The following NUFIP1 variants were observed in gnomAD, a reference collection of about 807,000 sequenced individuals.
NUFIP1 encodes nuclear FMR1 interacting protein 1, also known as FMR1-interacting protein NUFIP1.
NUFIP1 carries 38 observed loss-of-function variants against 56.2 expected under a neutral mutation model. That is an observed-to-expected ratio of 0.68 (90% CI 0.52 to 0.89). The LOEUF is 0.89. NUFIP1 is among the 40% of genes least tolerant of loss of function. The pLI is 0.00. For missense variants in NUFIP1, 567 were observed against 605.8 expected (o/e 0.94, Z 0.67); for synonymous variants, 215 against 212.4 (o/e 1.01, Z -0.10).
intron 6 of NUFIP1, 132 bp from the exon 7 acceptor site, chr13:44,959,706 C>T (rs756597787): frequency 1.1e-4 from 75 of 697,958 alleles, no homozygotes; most frequent in Non-Finnish European, 1.1e-4. Context: ...ATTAAAGAGA[C>T]GAAAATAAAA....
chr13:44,968,762 T>C lies in NUFIP1; in HGVS notation c.735-2826A>G, dbSNP rs149421958. Among the ~76,000 whole-genome samples the C allele has an allele frequency of 1.4e-4, 21 of 152,346 alleles. No homozygotes were observed. In the East Asian group the frequency reaches 3.9e-3, roughly 28 times the overall value. On this transcript the variant is annotated intron_variant, in intron 5 of 9. Transcript: ENST00000379161. ...CAGACTCTTACCATGTTGGGCTATATGTTACATGATAAAATTTGGCACTAC... is the reference window on the plus strand; with the variant it reads ...CAGACTCTTACCATGTTGGGCTATACGTTACATGATAAAATTTGGCACTAC...
At chr13:44,985,596 C>G (rs1441770964) in intron 1 of NUFIP1, among the ~76,000 whole-genome samples, 1 of 152,028 alleles carries the variant, frequency 6.6e-6, no homozygotes, top group Non-Finnish European at 1.5e-5. Flanking sequence ...ATTTTTATTA[C>G]GTCTGTTATA....
intron 7 of NUFIP1, among the ~76,000 whole-genome samples, chr13:44,956,776 C>A (rs1228079002): frequency 6.6e-6 from 1 of 152,132 alleles, no homozygotes; most frequent in African/African-American, 2.4e-5. Context: ...TGAAGCCATG[C>A]TTGCTCGCTG....
chr13:44,941,714 C>T (rs1593355058), intron 9 of NUFIP1, among the ~76,000 whole-genome samples: 1 of 151,546 alleles, frequency 6.6e-6, no homozygotes. Context: ...GGGGTTTCAC[C>T]GTGTTAGCCA....
Position 44,941,023 on chromosome 13 carries a change from T to G in NUFIP1, c.*183A>C. On this transcript the variant is annotated 3_prime_UTR_variant, in exon 10 of 10. Coordinates refer to ENST00000379161, the MANE Select transcript of NUFIP1 (RefSeq NM_012345.3). ...ACAATACAGACACAGTCTTAAAAAA[T>G]CAGTTATTTTTTTATTTGCATAGAA... 1 of 466,084 alleles carries G rather than the reference T, an allele frequency of 2.1e-6. No individual in the cohort carries two copies. The highest frequency in any genetic ancestry group is 3.8e-6 in the Non-Finnish European group (1 of 262,064). 28.9% of individuals were successfully genotyped at this position (466,084 alleles called of 1,614,324 possible). A position where few individuals can be genotyped will look rare whatever the true frequency, so the allele number is the denominator to read the frequency against.
At chr13:44,973,583 C>T (rs1871875627) in intron 5 of NUFIP1, among the ~76,000 whole-genome samples, 2 of 152,172 alleles carry the variant, frequency 1.3e-5, no homozygotes, top group South Asian at 4.1e-4. Flanking sequence ...TTGGTTCTTA[C>T]ATTTCAGAGC....
At chr13:44,971,503 A>G (rs1424039463) in intron 5 of NUFIP1, among the ~76,000 whole-genome samples, 1 of 152,186 alleles carries the variant, frequency 6.6e-6, no homozygotes, top group Non-Finnish European at 1.5e-5. Flanking sequence ...AGAAGGACAG[A>G]GCCGCTTCCA....
chr13:44,965,796 A>G, intron 6 of NUFIP1, 48 bp downstream of exon 6: 2 of 1,093,090 alleles, frequency 1.8e-6, no homozygotes, highest in Non-Finnish European at 2.6e-6. Context: ...GGGTTTTAAG[A>G]TTTTGTTTTG....
chr13:44,970,196 T>A (rs1193050744), intron 5 of NUFIP1, among the ~76,000 whole-genome samples: 1 of 152,200 alleles, frequency 6.6e-6, no homozygotes, highest in African/African-American at 2.4e-5. Flanking sequence ...AGGACAGGAA[T>A]TAAGAAAGAA....
chr13:44,956,159 A>G (rs1262652519), intron 7 of NUFIP1, among the ~76,000 whole-genome samples: 3 of 145,214 alleles, frequency 2.1e-5, no homozygotes. Flanking sequence ...AAAAAAAAAA[A>G]AAAGAATCTC....
At chr13:44,953,493 A>C (rs1871140142) in intron 7 of NUFIP1, among the ~76,000 whole-genome samples, 1 of 152,062 alleles carries the variant, frequency 6.6e-6, no homozygotes, top group Non-Finnish European at 1.5e-5. Context: ...ACATTTATTT[A>C]TTTATTTAGG....
chr13:44,965,676 A>G (rs1871572871), intron 6 of NUFIP1, among the ~76,000 whole-genome samples, 168 bp downstream of exon 6: 1 of 152,226 alleles, frequency 6.6e-6, no homozygotes, highest in South Asian at 2.1e-4. Context: ...CCTGGGCAAC[A>G]GAGCGAGACT....
chr13:44,971,629 A>G (rs1469004982), intron 5 of NUFIP1, among the ~76,000 whole-genome samples: 1 of 152,114 alleles, frequency 6.6e-6, no homozygotes, highest in East Asian at 1.9e-4. Context: ...CTCCACTGCC[A>G]CTGAAGGTGG....
At chr13:44,949,368 A>AT (rs1192787120) in intron 8 of NUFIP1, among the ~76,000 whole-genome samples, 3 of 150,546 alleles carry the variant, frequency 2.0e-5, no homozygotes, top group Admixed American at 6.6e-5. Flanking sequence ...CGCCCGGCTA[A>AT]TTTTTTGTAT....
At chr13:44,986,771 A>G (rs1166972610) in intron 1 of NUFIP1, among the ~76,000 whole-genome samples, 1 of 152,128 alleles carries the variant, frequency 6.6e-6, no homozygotes, top group Non-Finnish European at 1.5e-5. Flanking sequence ...ATGGATGAGA[A>G]GTGGCTTCTT....
intron 4 of NUFIP1, 93 bp from the exon 5 acceptor site, chr13:44,979,359 G>A: frequency 1.0e-6 from 1 of 993,480 alleles, no homozygotes. Context: ...ACTTATGTTG[G>A]ACACAATTTT....
intron 8 of NUFIP1, among the ~76,000 whole-genome samples, chr13:44,945,879 A>G (rs1296345929): frequency 6.6e-6 from 1 of 152,152 alleles, no homozygotes; most frequent in East Asian, 1.9e-4. Flanking sequence ...CAAGAGTGGC[A>G]AAACCCATAA....
chr13:44,986,466 T>A (rs1872394610), intron 1 of NUFIP1, among the ~76,000 whole-genome samples: 1 of 151,740 alleles, frequency 6.6e-6, no homozygotes, highest in Non-Finnish European at 1.5e-5. Context: ...CTGAGGTGGG[T>A]GGATCACGAG....
At chr13:44,970,924 C>T (rs1054149258) in intron 5 of NUFIP1, among the ~76,000 whole-genome samples, 10 of 152,172 alleles carry the variant, frequency 6.6e-5, no homozygotes, top group Non-Finnish European at 2.9e-5. Flanking sequence ...GATCTGCCTG[C>T]CTTGGCCTCC....
Sources: gnomAD v4.1 joint callset for allele counts (sites outside exome capture counted in the v4.1 genomes callset) on GRCh38, gnomAD v4.1.1 for gene constraint, MANE v1.5 for transcripts, NCBI Gene and HGNC (gene_info 2026-07-23, HGNC 2026-07-21) for gene names.